MAST4: variants seen among roughly 807,000 people sequenced by gnomAD.
MAST4 encodes the protein microtubule associated serine/threonine kinase family member 4, also known as microtubule-associated serine/threonine-protein kinase 4.
In MAST4, 89 loss-of-function variants were observed where a neutral mutation model predicts 162.7. That is an observed-to-expected ratio of 0.55 (90% CI 0.46 to 0.65). The LOEUF is 0.65. Ranked by LOEUF, MAST4 falls within the 30% of genes least tolerant of loss-of-function variation. The pLI, the probability that MAST4 is intolerant of heterozygous loss-of-function variation, is 0.00. For missense variants in MAST4, 3,153 were observed against 3,374.0 expected (o/e 0.93, Z 1.62); for synonymous variants, 1,479 against 1,361.1 (o/e 1.09, Z -1.91).
chr5:66,967,905 A>G (rs932491644), intron 4 of MAST4, among the ~76,000 whole-genome samples: 2 of 152,062 alleles, frequency 1.3e-5, no homozygotes, highest in Non-Finnish European at 1.5e-5. Context: ...AGAATTTCTC[A>G]TGACCCCCAG....
intron 4 of MAST4, among the ~76,000 whole-genome samples, chr5:66,991,295 C>CTTT (rs2150279727): frequency 6.6e-6 from 1 of 152,258 alleles, no homozygotes; most frequent in South Asian, 2.1e-4. Context: ...ACCAAGAGTT[C>CTTT]TTTTTCCTTT....
At chr5:66,849,426 C>A (rs533994778) in intron 3 of MAST4, among the ~76,000 whole-genome samples, 1 of 152,294 alleles carries the variant, frequency 6.6e-6, no homozygotes, top group African/African-American at 2.4e-5. Context: ...TCCACCTCCC[C>A]TTTCCCCTCT....
At chr5:66,998,456 C>G (rs1750915722) in intron 4 of MAST4, among the ~76,000 whole-genome samples, 1 of 152,186 alleles carries the variant, frequency 6.6e-6, no homozygotes, top group African/African-American at 2.4e-5. Flanking sequence ...AAATTTGAAA[C>G]AGTAGACCTG....
At chr5:66,830,347 G>T (rs1757517271) in intron 3 of MAST4, among the ~76,000 whole-genome samples, 1 of 152,050 alleles carries the variant, frequency 6.6e-6, no homozygotes, top group Non-Finnish European at 1.5e-5. Context: ...CTTGTGAGGG[G>T]CATGGTTTTC....
intron 5 of MAST4, among the ~76,000 whole-genome samples, chr5:67,066,961 C>T (rs545826066): frequency 6.6e-6 from 1 of 152,304 alleles, no homozygotes; most frequent in African/African-American, 2.4e-5. Context: ...AGTATGTTCT[C>T]CCTAGCTGAA....
chr5:67,049,063 A>ATACG (rs1554087486), intron 4 of MAST4, among the ~76,000 whole-genome samples: 36 of 98,552 alleles, frequency 3.7e-4, no homozygotes, highest in African/African-American at 1.5e-3. Context: ...ATATATACGT[A>ATACG]TATATATATA....
intron 1 of MAST4, among the ~76,000 whole-genome samples, chr5:66,680,128 C>T (rs1395844851): frequency 6.6e-6 from 1 of 152,086 alleles, no homozygotes; most frequent in Non-Finnish European, 1.5e-5. Context: ...AAAAGATGCA[C>T]TTAGACTGGA....
At chr5:66,666,161 A>G (rs1196055565) in intron 1 of MAST4, among the ~76,000 whole-genome samples, 2 of 152,156 alleles carry the variant, frequency 1.3e-5, no homozygotes, top group Non-Finnish European at 2.9e-5. Flanking sequence ...GAATCTTTGT[A>G]TTAGTCTTAC....
intron 2 of MAST4, among the ~76,000 whole-genome samples, chr5:66,775,154 C>T (rs1754538350): frequency 6.6e-6 from 1 of 151,980 alleles, no homozygotes; most frequent in Admixed American, 6.6e-5. Flanking sequence ...TGTTACAGTG[C>T]CTTCAATAGT....
At chr5:66,756,579 A>G (rs60237782) in intron 1 of MAST4, among the ~76,000 whole-genome samples, 3 of 152,242 alleles carry the variant, frequency 2.0e-5, no homozygotes, top group Admixed American at 6.5e-5. Context: ...ACGAAGTCCA[A>G]AGTGACATGT....
chr5:66,860,092 G>A (rs936218069), intron 3 of MAST4, among the ~76,000 whole-genome samples: 2 of 152,198 alleles, frequency 1.3e-5, no homozygotes, highest in Admixed American at 6.5e-5. Flanking sequence ...GTAGTGAGGA[G>A]CACAGACCCT....
chr5:66,892,182 C>T (rs1762405180), intron 3 of MAST4, among the ~76,000 whole-genome samples: 1 of 152,176 alleles, frequency 6.6e-6, no homozygotes, highest in South Asian at 2.1e-4. Context: ...TGAGTTTTGT[C>T]ATTAGTTTAA....
chr5:66,679,290 T>C (rs987942643), intron 1 of MAST4, among the ~76,000 whole-genome samples: 2 of 152,186 alleles, frequency 1.3e-5, no homozygotes, highest in Non-Finnish European at 2.9e-5. Flanking sequence ...GCAACAAATC[T>C]AAATCATGTA....
chr5:67,078,904 T>TTATA (rs1324574672), intron 5 of MAST4, among the ~76,000 whole-genome samples: 2 of 36,364 alleles, frequency 5.5e-5, no homozygotes, highest in Admixed American at 5.1e-4. Flanking sequence ...TTATATATTT[T>TTATA]TATATAAATA....
chr5:66,856,820 A>G (rs1295486933), intron 3 of MAST4, among the ~76,000 whole-genome samples: 1 of 152,270 alleles, frequency 6.6e-6, no homozygotes, highest in African/African-American at 2.4e-5. Context: ...GACAAGAATT[A>G]TGGTGATATG....
chr5:67,164,981 C>T lies in MAST4; in HGVS notation c.5802C>T (p.Asp1934=), dbSNP rs781660577. 8.1e-6 allele frequency: 13 copies of T among 1,613,910 alleles called. No homozygotes were observed. The Admixed American group carries it at 8.3e-5, about 10-fold the overall frequency. The change falls in exon 29 of 29, where the codon GAC becomes GAT. Residue 1934 remains aspartate, a synonymous_variant. Coordinates refer to ENST00000403625, the MANE Select transcript of MAST4 (RefSeq NM_001164664.2). The surrounding 1 kb of genome is among the most constrained non-coding windows in gnomAD (Gnocchi z 5.3). ...SSPKHQDHTT[D]PKLLTCLGQN... ...CTAAACACCAAGACCACACCACTGA[C>T]CCCAAGCTTCTGACCTGCCTGGGGC...
chr5:66,903,653 G>A (rs770641847), intron 4 of MAST4, among the ~76,000 whole-genome samples: 1 of 152,120 alleles, frequency 6.6e-6, no homozygotes, highest in African/African-American at 2.4e-5. Context: ...AGGGGATGAA[G>A]CAAAGGAGAT....
chr5:66,733,971 A>C (rs542149056), intron 1 of MAST4, among the ~76,000 whole-genome samples: 17 of 152,336 alleles, frequency 1.1e-4, no homozygotes, highest in African/African-American at 4.1e-4. Flanking sequence ...TTCAATATTT[A>C]ACTAAAAGCT....
At position 66,972,473 on chromosome 5, in the gene MAST4, T is replaced by C. The variant is rs547341265; in HGVS notation, c.674+72491T>C. 9.8e-4 allele frequency among the ~76,000 whole-genome samples: 149 copies of C among 152,346 alleles called. 1 individual carries two copies. The highest frequency in any genetic ancestry group is 3.3e-3 in the African/African-American group (138 of 41,578). ...ATAAAATACAAGTTTGGCTCAACTT[T>C]AATCAAGCTCTGAGTCAAAAGCCAC... On this transcript the variant is annotated intron_variant, in intron 4 of 28. Transcript: ENST00000403625.
Sources: gnomAD v4.1 joint callset for allele counts (sites outside exome capture counted in the v4.1 genomes callset) on GRCh38, gnomAD v4.1.1 for gene constraint, Gnocchi (gnomAD v3.1) non-coding constraint, MANE v1.5 for transcripts, NCBI Gene and HGNC (gene_info 2026-07-23, HGNC 2026-07-21) for gene names.